The following SMNDC1 variants were observed in gnomAD, a reference collection of about 807,000 sequenced individuals.
SMNDC1 encodes the protein survival of motor neuron-related-splicing factor 30.
SMNDC1 carries 5 observed loss-of-function variants against 29.2 expected under a neutral mutation model. The ratio of observed to expected loss-of-function variants is 0.17; its 90% confidence interval spans 0.09 to 0.36. The LOEUF is 0.36. SMNDC1 is among the 10% of genes least tolerant of loss of function. The pLI, the probability that SMNDC1 is intolerant of heterozygous loss-of-function variation, is 1.00. For missense variants in SMNDC1, 142 were observed against 268.5 expected, an observed-to-expected ratio of 0.53 and a Z score of 3.29; for synonymous variants, 80 against 89.9, an observed-to-expected ratio of 0.89 and a Z score of 0.62.
chr10:110,299,897 T>C (rs918555522), intron 2 of SMNDC1, among the ~76,000 whole-genome samples: 2 of 152,188 alleles, frequency 1.3e-5, no homozygotes, highest in Non-Finnish European at 2.9e-5. Context: ...GTTAGTTTTA[T>C]AAATAAATAA....
rs1017197661 is a variant in SMNDC1, at chr10:110,295,691, G to C, written c.426-310C>G. ...TGTTCTGTTGCCCAGACTGGAGTTG[G>C]AGTACAGTGGCACAATCTTGGCTCA... On this transcript the variant is annotated intron_variant, in intron 4 of 5. Coordinates refer to ENST00000369603, the MANE Select transcript of SMNDC1 (RefSeq NM_005871.4). Among the ~76,000 whole-genome samples, 3 of 150,434 alleles carry C rather than the reference G, an allele frequency of 2.0e-5. No individual in the cohort carries two copies. In the South Asian group the frequency reaches 6.3e-4, roughly 31 times the overall value.
chr10:110,299,828 A>T (rs1333879170), intron 2 of SMNDC1, among the ~76,000 whole-genome samples: 2 of 152,180 alleles, frequency 1.3e-5, no homozygotes, highest in Non-Finnish European at 2.9e-5. Flanking sequence ...AAAGATTCTA[A>T]ATCTTCCTGG....
chr10:110,292,612 AC>A lies in SMNDC1; in HGVS notation c.*1537del, dbSNP rs989820437. On this transcript the variant is annotated 3_prime_UTR_variant, in exon 6 of 6. Transcript: ENST00000369603. ...TTTAGAAGTTTACAGGCTTCAACAA[AC>A]CCTTTTTCTACTGCAGTTTGTGCCT... is the stretch of plus-strand genomic sequence containing the variant. 4.6e-5 allele frequency: 7 copies of A among 151,886 alleles called. No homozygotes were observed. Among genetic ancestry groups the A allele is most frequent in the African/African-American group, 1.7e-4 (7 of 41,304 alleles). 9.4% of individuals were successfully genotyped at this position (151,886 alleles called of 1,614,324 possible). A position where few individuals can be genotyped will look rare whatever the true frequency, so the allele number is the denominator to read the frequency against.
At chr10:110,300,731 G>A (rs1857633143) in intron 2 of SMNDC1, 12 of 985,368 alleles carry the variant, frequency 1.2e-5, no homozygotes, top group Non-Finnish European at 1.4e-5. Flanking sequence ...GGGATGCAGA[G>A]AGCCACTGTA....
chr10:110,303,180 T>C (rs1857681392), intron 2 of SMNDC1, among the ~76,000 whole-genome samples: 1 of 152,376 alleles, frequency 6.6e-6, no homozygotes, highest in Non-Finnish European at 1.5e-5. Context: ...AAGTTACATG[T>C]ACCTCTCGTC....
rs1411151374 is a variant in SMNDC1, at chr10:110,293,354, TTG to T, written c.*794_*795del. 6.6e-6 allele frequency: 1 copy of T among 152,518 alleles called. No homozygotes were observed. The highest frequency in any genetic ancestry group is 2.4e-5 in the African/African-American group (1 of 41,404). The allele number at this position is 152,518 out of a possible 1,614,324, so 9.4% of individuals were successfully genotyped here. ...AGTATTCTTGTTCATTAATTTAGCCTTGTGTTTTTACAAAAATAGTATCTACA... is the reference window on the plus strand; with the variant it reads ...AGTATTCTTGTTCATTAATTTAGCCTTGTTTTTACAAAAATAGTATCTACA... On this transcript the variant is annotated 3_prime_UTR_variant, in exon 6 of 6. Transcript: ENST00000369603.
chr10:110,298,812 TACA>T (rs777247174), intron 2 of SMNDC1, 22 bp from the exon 3 acceptor site: 3 of 1,570,174 alleles, frequency 1.9e-6, no homozygotes, highest in East Asian at 4.5e-5. Flanking sequence ...AAACAAAAAC[TACA>T]ACATTATTTT....
intron 5 of SMNDC1, among the ~76,000 whole-genome samples, chr10:110,294,862 G>T (rs1173934252): frequency 6.6e-6 from 1 of 152,196 alleles, no homozygotes; most frequent in African/African-American, 2.4e-5. Context: ...TGTATCAAGG[G>T]AAACTGAATG....
At chr10:110,303,769 G>A in intron 1 of SMNDC1, 182 bp from the exon 2 acceptor site, 1 of 526,266 alleles carries the variant, frequency 1.9e-6, no homozygotes, top group Non-Finnish European at 3.2e-6. Flanking sequence ...CAAACTTAAA[G>A]GCAACAGATT....
chr10:110,294,249 A>C lies in SMNDC1; in HGVS notation c.618T>G (p.Thr206=), dbSNP rs1247356014. The C allele has an allele frequency of 1.2e-6, 2 of 1,607,930 alleles. No homozygotes were observed. The highest frequency in any genetic ancestry group is 4.5e-5 in the East Asian group (2 of 44,284). The change falls in exon 6 of 6, where the codon ACT becomes ACG. Residue 206 remains threonine (T), a synonymous_variant. Coordinates refer to ENST00000369603, the MANE Select transcript of SMNDC1 (RefSeq NM_005871.4). ...CACAGGTTCCTACTCCAACTTTACCAGTCACACTCTCAGGTGAAGCAAAAA... is the reference window on the plus strand; with the variant it reads ...CACAGGTTCCTACTCCAACTTTACCCGTCACACTCTCAGGTGAAGCAAAAA... The part of the protein sequence containing the change: ...RSIFASPESV[T]GKVGVGTCGI...
chr10:110,295,720 C>G (rs144999857), intron 4 of SMNDC1, among the ~76,000 whole-genome samples: 2,892 of 151,674 alleles, frequency 0.019, 45 homozygotes, highest in Admixed American at 0.041. Flanking sequence ...TGGCTCACAG[C>G]AACCTCCACC....
Position 110,297,661 on chromosome 10 carries a change from A to G in SMNDC1, c.331T>C (p.Tyr111His). The G allele has an allele frequency of 6.2e-7, 1 of 1,613,994 alleles. No individual in the cohort carries two copies. The highest frequency in any genetic ancestry group is 8.5e-7 in the Non-Finnish European group (1 of 1,179,934). ...NGTAAITFAGYGNAEVTPLLN... is the reference protein window; with the variant it reads ...NGTAAITFAGHGNAEVTPLLN... ...AGTGGAGTCACTTCAGCATTGCCAT[A>G]ACCAGCAAAGGTGATTGCAGCGGTG... Residue 111 changes from tyrosine (Y) to histidine (H), a missense_variant, in exon 4 of 6, where the codon TAT (tyrosine) becomes CAT (histidine). Tyr to His is a moderately conservative substitution (Grantham distance 83, BLOSUM62 2). Around this residue, in one of 4 missense-constraint regions of SMNDC1, gnomAD observed 54 missense variants for 152.1 expected, o/e 0.36. Coordinates refer to ENST00000369603, the MANE Select transcript of SMNDC1 (RefSeq NM_005871.4).
rs1590431466 is a variant in SMNDC1, at chr10:110,303,550, T to C, written c.38A>G (p.Lys13Arg). The change falls in exon 2 of 6, where the codon AAA becomes AGA. Residue 13 changes from lysine (K) to arginine (R), a missense_variant. By Grantham distance (26) the Lys-to-Arg change is conservative. Transcript: ENST00000369603. ...EDLAKQLASY[K>R]AQLQQVEAAL... Reference sequence around the variant, plus strand: ...AGCTTCAACTTGCTGGAGCTGAGCTTTGTAGCTTGCCAGCTGCTTTGCTAA... The same window carrying C: ...AGCTTCAACTTGCTGGAGCTGAGCTCTGTAGCTTGCCAGCTGCTTTGCTAA... The C allele has an allele frequency of 1.3e-5, 21 of 1,583,222 alleles. No homozygotes were observed. The East Asian group carries it at 4.7e-4, about 36-fold the overall frequency.
At chr10:110,302,962 T>C (rs933866001) in intron 2 of SMNDC1, among the ~76,000 whole-genome samples, 8 of 152,152 alleles carry the variant, frequency 5.3e-5, no homozygotes, top group Non-Finnish European at 1.0e-4. Flanking sequence ...TACAAAGCAC[T>C]TGTCTCTCTT....
chr10:110,294,389 AAAG>A, intron 5 of SMNDC1, 102 bp from the exon 6 acceptor site: 1 of 988,500 alleles, frequency 1.0e-6, no homozygotes, highest in Non-Finnish European at 1.4e-6. Context: ...TCAACGTTTA[AAAG>A]AAGAAAAACA....
rs1312236872 is a variant in SMNDC1 at position 110,294,138 on chromosome 10, C to T, written c.*12G>A. 1 of 1,562,676 alleles carries T rather than the reference C, an allele frequency of 6.4e-7. No homozygotes were observed. Among genetic ancestry groups the T allele is most frequent in the Non-Finnish European group, 8.6e-7 (1 of 1,160,400 alleles). The stretch of plus-strand genomic sequence containing the variant: ...AAAGCCCTGCAGAGATGAAATCCAA[C>T]AGTTTTTCTGATTATTGAGGCATCA... On this transcript the variant is annotated 3_prime_UTR_variant, in exon 6 of 6. Coordinates refer to ENST00000369603, the MANE Select transcript of SMNDC1 (RefSeq NM_005871.4).
rs766415015 is a variant in SMNDC1, at chr10:110,294,192, T to C, written c.675A>G (p.Gln225=). 5 of 1,604,492 alleles carry C rather than the reference T, an allele frequency of 3.1e-6. No homozygotes were observed. The African/African-American group carries it at 6.8e-5, about 22-fold the overall frequency. The part of the protein sequence containing the change: ...GIADKPMTQY[Q]DTSKYNVRHL... ...GCCTGACATTGTATTTAGAGGTATC[T>C]TGATATTGTGTCATAGGTTTATCAG... The change falls in exon 6 of 6, where the codon CAA becomes CAG. Residue 225 remains glutamine (Q), a synonymous_variant. Transcript: ENST00000369603.
chr10:110,300,468 T>C (rs370081194), intron 2 of SMNDC1: 26 of 708,650 alleles, frequency 3.7e-5, no homozygotes, highest in South Asian at 2.6e-4. Context: ...CTTCTAAATT[T>C]CTATTCTTCA....
At chr10:110,295,180 T>G (rs1403501200) in intron 5 of SMNDC1, 48 bp downstream of exon 5, 1 of 1,501,310 alleles carries the variant, frequency 6.7e-7, no homozygotes, top group African/African-American at 1.4e-5. Context: ...GTTATTTTAA[T>G]GACAGTTGCA....
Sources: gnomAD v4.1 joint callset for allele counts (sites outside exome capture counted in the v4.1 genomes callset) on GRCh38, gnomAD v4.1.1 for gene constraint, gnomAD v4.1.1 regional missense constraint, MANE v1.5 for transcripts, NCBI Gene and HGNC (gene_info 2026-07-23, HGNC 2026-07-21) for gene names.